KPNB1: variants seen among roughly 807,000 people sequenced by gnomAD.
KPNB1 encodes karyopherin subunit beta 1.
Under a neutral mutation model 113.0 loss-of-function variants are expected in KPNB1, and 7 were observed. The observed-to-expected ratio is 0.06, with a 90% CI of 0.04 to 0.12. KPNB1 has a LOEUF of 0.12. KPNB1 is among the 10% of genes least tolerant of loss of function. The pLI, the probability that KPNB1 is intolerant of heterozygous loss-of-function variation, is 1.00. For synonymous variants in KPNB1, 363 were observed against 378.6 expected (o/e 0.96, Z 0.48); for missense variants, 400 against 1,054.8 (o/e 0.38, Z 8.60).
rs1219238849 is a variant in KPNB1 at position 47,685,009 on chromosome 17, CT to C, written c.*2607del. The C allele has an allele frequency of 6.6e-6, 1 of 152,212 alleles. No individual in the cohort carries two copies. Among genetic ancestry groups the C allele is most frequent in the East Asian group, 1.9e-4 (1 of 5,204 alleles). 9.4% of individuals were successfully genotyped at this position (152,212 alleles called of 1,614,324 possible). A position where few individuals can be genotyped will look rare whatever the true frequency, so the allele number is the denominator to read the frequency against. ...CCTTCAAGAATGTAGTTACCGTCTG[CT>C]TGGGAAGATGTCAGTGCAAATGTGA... On this transcript the variant is annotated 3_prime_UTR_variant, in exon 22 of 22. Coordinates refer to ENST00000290158, the MANE Select transcript of KPNB1 (RefSeq NM_002265.6).
intron 15 of KPNB1, among the ~76,000 whole-genome samples, 164 bp downstream of exon 15, chr17:47,674,946 G>C (rs1207270847): frequency 6.6e-6 from 1 of 152,170 alleles, no homozygotes; most frequent in African/African-American, 2.4e-5. Context: ...TGCCCCCACA[G>C]TAGCTGGGAC....
chr17:47,665,365 C>T (rs985400196), intron 9 of KPNB1, among the ~76,000 whole-genome samples: 6 of 152,212 alleles, frequency 3.9e-5, no homozygotes, highest in African/African-American at 1.4e-4. Flanking sequence ...ATCTCAGATG[C>T]ATCTTGCTCA....
At chr17:47,679,801 A>G in intron 19 of KPNB1, 1 of 381,342 alleles carries the variant, frequency 2.6e-6, no homozygotes, top group Non-Finnish European at 4.9e-6. Flanking sequence ...GGTTCACGCC[A>G]TTTTCCTACC....
intron 3 of KPNB1, among the ~76,000 whole-genome samples, chr17:47,656,323 C>T (rs1182444595): frequency 6.6e-6 from 1 of 151,802 alleles, no homozygotes; most frequent in East Asian, 1.9e-4. Flanking sequence ...AATCCTAGCA[C>T]TTTGGGAGGC....
chr17:47,677,472 CAAA>C (rs746941632), intron 17 of KPNB1, among the ~76,000 whole-genome samples: 8 of 53,264 alleles, frequency 1.5e-4, no homozygotes, highest in South Asian at 6.2e-4. Flanking sequence ...AACTCCGTCT[CAAA>C]AAAAAAAAAA....
rs183804084 is a variant in KPNB1 at position 47,649,935 on chromosome 17, C to A, written c.-310C>A. The A allele has an allele frequency of 7.8e-7, 1 of 1,289,388 alleles. No homozygotes were observed. Among genetic ancestry groups the A allele is most frequent in the Admixed American group, 4.1e-5 (1 of 24,306 alleles). 79.9% of individuals were successfully genotyped at this position (1,289,388 alleles called of 1,614,324 possible). On this transcript the variant is annotated 5_prime_UTR_variant, in exon 1 of 22. Transcript: ENST00000290158. ...TCCCTCGCTCCCTCCCTGCGCGCCG[C>A]CTCTCACTCACAGCCTCCCTTCCTT...
At chr17:47,675,372 G>GTT (rs755565036) in intron 15 of KPNB1, among the ~76,000 whole-genome samples, 9 of 86,076 alleles carry the variant, frequency 1.0e-4, no homozygotes, top group East Asian at 3.8e-4. Context: ...TTTTTTTTTT[G>GTT]TTTTTTTTTT....
chr17:47,678,543 G>A (rs1038818476), intron 19 of KPNB1, 130 bp downstream of exon 19: 8 of 668,666 alleles, frequency 1.2e-5, no homozygotes, highest in Non-Finnish European at 1.9e-5. Flanking sequence ...AGAAGGGGGA[G>A]CAGTGCCCTA....
chr17:47,678,565 G>T (rs1050038700), intron 19 of KPNB1, 152 bp downstream of exon 19: 157 of 616,848 alleles, frequency 2.5e-4, no homozygotes, highest in African/African-American at 2.5e-3. Context: ...TGAAGAGAGT[G>T]GCTTGGGGAA....
In KPNB1 at chr17:47,678,413, C is replaced by T. The variant is rs766215741; in HGVS notation, c.2353C>T (p.Pro785Ser). The T allele has an allele frequency of 1.7e-5, 27 of 1,605,532 alleles. No individual in the cohort carries two copies. The highest frequency in any genetic ancestry group is 1.3e-5 in the Non-Finnish European group (15 of 1,172,374). ...AAAGGGGGATCAGGAGAACGTACAC[C>T]GTTGAGTATACAACCCAGTTCCCTT... ...GLKGDQENVH[P>S]DVMLVQPRVE... The change falls in exon 19 of 22, where the codon CCG becomes TCG. Residue 785 changes from proline to serine, a missense_variant and splice_region_variant. By Grantham distance (74) the Pro-to-Ser change is moderately conservative (BLOSUM62 -1). Coordinates refer to ENST00000290158, the MANE Select transcript of KPNB1 (RefSeq NM_002265.6).
intron 2 of KPNB1, among the ~76,000 whole-genome samples, chr17:47,650,792 G>T (rs1013907647): frequency 3.3e-5 from 5 of 152,200 alleles, no homozygotes; most frequent in African/African-American, 7.2e-5. Context: ...GGGGGCGGGG[G>T]AGTCGGGCCT....
In KPNB1 at chr17:47,652,679, A is replaced by T. The variant is rs1281572721; in HGVS notation, c.100-15A>T. On this transcript the variant is annotated splice_polypyrimidine_tract_variant and intron_variant, in intron 2 of 21. Transcript: ENST00000290158. ...CTAAGATATTTTTATTTACAAATTT[A>T]TCTTCCCTTAACAGCCCACTTTCCT... 1 of 1,520,484 alleles carries T rather than the reference A, an allele frequency of 6.6e-7. No individual in the cohort carries two copies. The highest frequency in any genetic ancestry group is 8.8e-7 in the Non-Finnish European group (1 of 1,135,964). 94.2% of individuals were successfully genotyped at this position (1,520,484 alleles called of 1,614,324 possible).
chr17:47,678,290 G>C lies in KPNB1; in HGVS notation c.2248-18G>C. 3 of 1,611,972 alleles carry C rather than the reference G, an allele frequency of 1.9e-6. No homozygotes were observed. Among genetic ancestry groups the C allele is most frequent in the Non-Finnish European group, 2.5e-6 (3 of 1,178,018 alleles). Reference sequence around the variant, plus strand: ...AAGTGATCAGTGTGATGTAGGTTCTGTTCTTTGTGTCTTACAGTCAGACTA... The same window carrying C: ...AAGTGATCAGTGTGATGTAGGTTCTCTTCTTTGTGTCTTACAGTCAGACTA... On this transcript the variant is annotated intron_variant, in intron 18 of 21. Coordinates refer to ENST00000290158, the MANE Select transcript of KPNB1 (RefSeq NM_002265.6).
intron 2 of KPNB1, chr17:47,651,120 T>G (rs1915555224): frequency 1.6e-6 from 1 of 639,382 alleles, no homozygotes; most frequent in Non-Finnish European, 1.9e-6. Flanking sequence ...GAAAACAGAC[T>G]GAGGCTCATC....
chr17:47,666,393 T>TC (rs2030270382), intron 9 of KPNB1, among the ~76,000 whole-genome samples: 3 of 62,814 alleles, frequency 4.8e-5, no homozygotes, highest in Non-Finnish European at 1.0e-4. Flanking sequence ...TGTCTTTACT[T>TC]TTGTGTGTGT....
In KPNB1 at chr17:47,679,916, C is replaced by G. The variant is rs2030722573; in HGVS notation, c.2354-104C>G. 9.8e-6 allele frequency: 7 copies of G among 711,922 alleles called. No individual in the cohort carries two copies. In the South Asian group the frequency reaches 1.1e-4, roughly 11 times the overall value. 44.1% of individuals were successfully genotyped at this position (711,922 alleles called of 1,614,324 possible). A position where few individuals can be genotyped will look rare whatever the true frequency, so the allele number is the denominator to read the frequency against. On this transcript the variant is annotated intron_variant, in intron 19 of 21. Coordinates refer to ENST00000290158, the MANE Select transcript of KPNB1 (RefSeq NM_002265.6). ...GTTTCACCGAGTTAGCCAGGATGGT[C>G]TCGATCTTCTGACCTTGTGATCCAC...
At chr17:47,654,531 C>G (rs1412009335) in intron 3 of KPNB1, among the ~76,000 whole-genome samples, 1 of 151,626 alleles carries the variant, frequency 6.6e-6, no homozygotes, top group Admixed American at 6.6e-5. Flanking sequence ...ACAACGATAA[C>G]TAATACTAAG....
chr17:47,682,906 C>G lies in KPNB1; in HGVS notation c.*502C>G, dbSNP rs1391845415. The G allele has an allele frequency of 6.3e-6, 1 of 158,774 alleles. No individual in the cohort carries two copies. The highest frequency in any genetic ancestry group is 1.4e-5 in the Non-Finnish European group (1 of 71,556). The allele number at this position is 158,774 out of a possible 1,614,324, so 9.8% of individuals were successfully genotyped here. ...TACCTTTGCCACATGGTACTGTATG[C>G]TTGCCAGCTAGAAGGAGGGTCAGGG... On this transcript the variant is annotated 3_prime_UTR_variant, in exon 22 of 22. Transcript: ENST00000290158.
Position 47,669,747 on chromosome 17 carries a change from G to C in KPNB1, c.1294G>C (p.Val432Leu). The C allele has an allele frequency of 6.2e-7, 1 of 1,614,118 alleles. No homozygotes were observed. Among genetic ancestry groups the C allele is most frequent in the Non-Finnish European group, 8.5e-7 (1 of 1,179,960 alleles). The change falls in exon 11 of 22, where the codon GTA (valine) becomes CTA (leucine). Residue 432 changes from valine (V) to leucine (L), a missense_variant. Val to Leu is a conservative substitution (Grantham distance 32). Around this residue, in one of 2 missense-constraint regions of KPNB1, gnomAD observed 285 missense variants for 627.0 expected, o/e 0.45. Coordinates refer to ENST00000290158, the MANE Select transcript of KPNB1 (RefSeq NM_002265.6). The stretch of plus-strand genomic sequence containing the variant: ...TGTTCGAGATACAGCTGCATGGACT[G>C]TAGGCAGAATTTGTGAGCTGCTTCC... ...VVVRDTAAWT[V>L]GRICELLPEA... is the part of the protein sequence containing the mutation.
Sources: allele counts gnomAD v4.1 joint callset (sites outside exome capture counted in the v4.1 genomes callset), GRCh38; gene constraint gnomAD v4.1.1; regional missense constraint gnomAD v4.1.1; transcripts MANE v1.5; gene names NCBI Gene and HGNC (gene_info 2026-07-23, HGNC 2026-07-21).